The following RBFOX2 variants were observed in gnomAD, a reference collection of about 807,000 sequenced individuals.
RBFOX2 encodes RNA binding protein fox-1 homolog 2.
In RBFOX2, 10 loss-of-function variants were observed where a neutral mutation model predicts 49.1. That is an observed-to-expected ratio of 0.20 (90% CI 0.13 to 0.35). The LOEUF (loss-of-function observed/expected upper bound fraction) is 0.35. Among genes scored for constraint, RBFOX2 ranks in the 10% least tolerant of loss-of-function variants. RBFOX2 has a pLI of 1.00. For synonymous variants in RBFOX2, 183 were observed against 187.4 expected, an observed-to-expected ratio of 0.98 and a Z score of 0.19; for missense variants, 323 against 486.9, an observed-to-expected ratio of 0.66 and a Z score of 3.17.
chr22:36,005,589 A>C (rs937547738), intron 1 of RBFOX2, among the ~76,000 whole-genome samples: 1 of 152,238 alleles, frequency 6.6e-6, no homozygotes, highest in South Asian at 2.1e-4. Context: ...TAACAGCTTC[A>C]GAATGAAGTG....
chr22:36,006,264 G>C (rs748679549), intron 1 of RBFOX2, among the ~76,000 whole-genome samples: 14 of 152,188 alleles, frequency 9.2e-5, no homozygotes, highest in Non-Finnish European at 1.9e-4. Flanking sequence ...ATGGTAGAAA[G>C]TGCTTCATGT....
chr22:35,782,213 A>C (rs1650794486), intron 2 of RBFOX2, among the ~76,000 whole-genome samples: 1 of 152,144 alleles, frequency 6.6e-6, no homozygotes, highest in Admixed American at 6.5e-5. Flanking sequence ...GAAATAAGGA[A>C]ATATTTTTAT....
chr22:35,757,707 T>G (rs1937402897), intron 9 of RBFOX2, among the ~76,000 whole-genome samples: 1 of 152,146 alleles, frequency 6.6e-6, no homozygotes, highest in African/African-American at 2.4e-5. Context: ...ATCTCTGATG[T>G]TCATTTAGCT....
At position 35,872,668 on chromosome 22, in the gene RBFOX2, C is replaced by T. The variant is rs529288646; in HGVS notation, c.-33-62664G>A. On this transcript the variant is annotated intron_variant, in intron 1 of 13. Transcript: ENST00000359369. ...CGTCAATGGCCTGCCAGGGTGCTGA[C>T]GTCTGTCGGTGTGCTCTTCTGCCGG... Among the ~76,000 whole-genome samples, 26 of 152,316 alleles carry T rather than the reference C, an allele frequency of 1.7e-4. No individual in the cohort carries two copies. The South Asian group carries it at 3.9e-3, about 23-fold the overall frequency.
chr22:35,990,791 AAAC>A (rs2057944196), intron 1 of RBFOX2, among the ~76,000 whole-genome samples: 1 of 152,224 alleles, frequency 6.6e-6, no homozygotes, highest in South Asian at 2.1e-4. Flanking sequence ...GGGAGGGACA[AAAC>A]AATAAATGAC....
At chr22:35,799,391 C>G (rs1949356645) in intron 2 of RBFOX2, among the ~76,000 whole-genome samples, 1 of 152,194 alleles carries the variant, frequency 6.6e-6, no homozygotes, top group East Asian at 1.9e-4. Flanking sequence ...ATGGGACCAA[C>G]TGACTATCAA....
At chr22:35,957,338 C>T (rs1003736585) in intron 1 of RBFOX2, among the ~76,000 whole-genome samples, 1 of 152,202 alleles carries the variant, frequency 6.6e-6, no homozygotes, top group Non-Finnish European at 1.5e-5. Flanking sequence ...TGTAACACTT[C>T]ACCACATACC....
intron 1 of RBFOX2, among the ~76,000 whole-genome samples, chr22:35,920,574 A>T (rs1265188282): frequency 6.6e-6 from 1 of 152,118 alleles, no homozygotes; most frequent in Non-Finnish European, 1.5e-5. Context: ...TACTGCCTTA[A>T]TTTTATACTT....
At chr22:35,957,512 G>C (rs943457504) in intron 1 of RBFOX2, among the ~76,000 whole-genome samples, 1 of 152,146 alleles carries the variant, frequency 6.6e-6, no homozygotes, top group African/African-American at 2.4e-5. Flanking sequence ...TGTACCACAA[G>C]GTTTTAAATG....
intron 1 of RBFOX2, among the ~76,000 whole-genome samples, chr22:35,925,639 C>T (rs1405064968): frequency 6.6e-6 from 1 of 152,156 alleles, no homozygotes; most frequent in African/African-American, 2.4e-5. Flanking sequence ...ATTTAAAGGA[C>T]GACCTGTATT....
chr22:35,778,689 T>A (rs182769642), intron 3 of RBFOX2, among the ~76,000 whole-genome samples: 3 of 150,922 alleles, frequency 2.0e-5, no homozygotes, highest in Admixed American at 1.3e-4. Context: ...CAGGCTGGAG[T>A]CCAGTGGCAC....
chr22:35,828,853 C>A (rs1296059726), intron 1 of RBFOX2, among the ~76,000 whole-genome samples: 1 of 152,088 alleles, frequency 6.6e-6, no homozygotes, highest in East Asian at 1.9e-4. Context: ...AGATAGAGAC[C>A]ATCCTGGCTA....
intron 1 of RBFOX2, among the ~76,000 whole-genome samples, chr22:36,022,204 GTT>G (rs1168253968): frequency 2.0e-5 from 3 of 152,240 alleles, no homozygotes; most frequent in African/African-American, 7.2e-5. Flanking sequence ...CCTGAGAGAT[GTT>G]AAACTAGAGA....
rs1208551684 is a variant in RBFOX2, at chr22:35,951,241, CT to C, written c.42+10321del. ...AGTGCTGGGATTACCGCACCCGGCC[CT>C]TTTTTTTTTTTTTTTTTTTTTTGAG... is the stretch of plus-strand genomic sequence containing the variant. On this transcript the variant is annotated intron_variant, in intron 1 of 5. Coordinates refer to the RBFOX2 transcript ENST00000408983. Among the ~76,000 whole-genome samples the C allele has an allele frequency of 2.7e-3, 210 of 78,348 alleles. 1 individual carries two copies. Among genetic ancestry groups the C allele is most frequent in the East Asian group, 6.7e-3 (19 of 2,844 alleles). 51.4% of individuals were successfully genotyped at this position (78,348 alleles called of 152,430 possible). A position where few individuals can be genotyped will look rare whatever the true frequency, so the allele number is the denominator to read the frequency against.
At chr22:35,975,606 C>A (rs190468116) in intron 1 of RBFOX2, among the ~76,000 whole-genome samples, 1 of 152,060 alleles carries the variant, frequency 6.6e-6, no homozygotes, top group Non-Finnish European at 1.5e-5. Flanking sequence ...CCCAGTAAAT[C>A]CTAACCTTGG....
At chr22:35,902,440 G>A (rs1426094495) in intron 1 of RBFOX2, among the ~76,000 whole-genome samples, 1 of 152,074 alleles carries the variant, frequency 6.6e-6, no homozygotes, top group East Asian at 1.9e-4. Flanking sequence ...GAATGTTGCT[G>A]AAGAAAAATC....
chr22:35,780,344 A>G lies in RBFOX2; in HGVS notation c.399+1256T>C, dbSNP rs73411991. The stretch of plus-strand genomic sequence containing the variant: ...AAGTACCAGGCAGCTATCCTAGTGG[A>G]ATTTAAAAAAGAAAACAAACAAACA... On this transcript the variant is annotated intron_variant, in intron 3 of 11. Coordinates refer to ENST00000405409, the Ensembl canonical transcript of RBFOX2. Among the ~76,000 whole-genome samples, 580 of 152,072 alleles carry G rather than the reference A, an allele frequency of 3.8e-3. 3 individuals carry two copies. Among genetic ancestry groups the G allele is most frequent in the African/African-American group, 0.014 (567 of 41,440 alleles).
chr22:35,955,959 CTTCT>C (rs2055505143), intron 1 of RBFOX2, among the ~76,000 whole-genome samples: 1 of 152,112 alleles, frequency 6.6e-6, no homozygotes, highest in African/African-American at 2.4e-5. Flanking sequence ...TCTAGATATT[CTTCT>C]TTAATACTGT....
At chr22:35,967,253 TC>T (rs1253734714) in intron 1 of RBFOX2, among the ~76,000 whole-genome samples, 1 of 152,210 alleles carries the variant, frequency 6.6e-6, no homozygotes, top group Non-Finnish European at 1.5e-5. Flanking sequence ...AAAACATTCT[TC>T]TTTGTTTTCT....
Sources: allele counts gnomAD v4.1 joint callset (sites outside exome capture counted in the v4.1 genomes callset), GRCh38; gene constraint gnomAD v4.1.1; transcripts MANE v1.5; gene names NCBI Gene and HGNC (gene_info 2026-07-23, HGNC 2026-07-21).